NTM: variants seen among roughly 807,000 people sequenced by gnomAD.
NTM encodes IgLON family member 2.
In NTM, 13 loss-of-function variants were observed where a neutral mutation model predicts 42.1. The ratio of observed to expected loss-of-function variants is 0.31; its 90% CI spans 0.20 to 0.49. The LOEUF (loss-of-function observed/expected upper bound fraction) is 0.49, where lower values mean the gene tolerates loss of function less well. NTM is among the 20% of genes least tolerant of loss of function. The pLI, the probability that NTM is intolerant of heterozygous loss-of-function variation, is 0.99. For synonymous variants in NTM, 187 were observed against 179.2 expected (o/e 1.04, Z -0.35); for missense variants, 373 against 452.8 (o/e 0.82, Z 1.60).
chr11:131,679,757 A>G (rs998518172), intron 1 of NTM, among the ~76,000 whole-genome samples: 1 of 152,010 alleles, frequency 6.6e-6, no homozygotes, highest in African/African-American at 2.4e-5. Context: ...CTCACCACAG[A>G]TAATACTGAC....
intron 2 of NTM, among the ~76,000 whole-genome samples, chr11:132,073,205 G>A (rs1207064036): frequency 6.6e-6 from 1 of 152,122 alleles, no homozygotes; most frequent in Non-Finnish European, 1.5e-5. Flanking sequence ...CCAAAATGGG[G>A]ACTTTTCTAT....
intron 4 of NTM, among the ~76,000 whole-genome samples, chr11:132,260,926 A>G (rs1471199617): frequency 6.6e-6 from 1 of 152,116 alleles, no homozygotes; most frequent in East Asian, 1.9e-4. Context: ...TTGTAGACCT[A>G]CTTTCTTTAG....
rs200416351 is a variant in NTM, at chr11:131,442,851, ACAC to A, written c.82+71967_82+71969del. The stretch of plus-strand genomic sequence containing the variant: ...TATATACACACACAGACACACACAA[ACAC>A]CACATTTTCTTTATGCAATCAATCA... On this transcript the variant is annotated intron_variant, in intron 1 of 8. Transcript: ENST00000683400. Among the ~76,000 whole-genome samples the A allele has an allele frequency of 8.2e-3, 1,245 of 152,020 alleles. 9 individuals carry two copies. The highest frequency in any genetic ancestry group is 0.024 in the Middle Eastern group (7 of 290).
intron 1 of NTM, among the ~76,000 whole-genome samples, chr11:131,625,255 A>C (rs1226664660): frequency 6.6e-6 from 1 of 152,054 alleles, no homozygotes; most frequent in East Asian, 1.9e-4. Context: ...CAGAGGCCGA[A>C]ATGCAGATGT....
intron 1 of NTM, among the ~76,000 whole-genome samples, chr11:131,421,025 G>A (rs1024246100): frequency 2.6e-5 from 4 of 152,092 alleles, no homozygotes; most frequent in African/African-American, 9.7e-5. Flanking sequence ...CAGATGGAGT[G>A]TGTACCCTTA....
intron 1 of NTM, among the ~76,000 whole-genome samples, chr11:131,860,688 C>A (rs2046538862): frequency 6.6e-6 from 1 of 152,202 alleles, no homozygotes; most frequent in South Asian, 2.1e-4. Context: ...CAGCCAAGGA[C>A]CAACCATGCA....
intron 1 of NTM, among the ~76,000 whole-genome samples, chr11:131,549,287 C>T (rs2054333897): frequency 6.6e-6 from 1 of 152,266 alleles, no homozygotes; most frequent in East Asian, 1.9e-4. Flanking sequence ...CCTGTGAGAA[C>T]TTGACTCAGC....
At chr11:131,866,045 TACACACACACTAC>T (rs1250262349) in intron 1 of NTM, among the ~76,000 whole-genome samples, 1 of 143,404 alleles carries the variant, frequency 7.0e-6, no homozygotes, top group African/African-American at 2.6e-5. Context: ...ACACACATGC[TACACACACACTAC>T]ACACACACCC....
chr11:132,128,311 CAATGTCCTACAGATAATG>C (rs886095546), intron 2 of NTM, among the ~76,000 whole-genome samples: 2 of 151,998 alleles, frequency 1.3e-5, no homozygotes, highest in African/African-American at 4.8e-5. Flanking sequence ...AATTTCTAAA[CAATGTCCTACAGATAATG>C]AATGTCTTTT....
At chr11:131,617,629 AAT>A (rs1383708263) in intron 1 of NTM, among the ~76,000 whole-genome samples, 2 of 152,270 alleles carry the variant, frequency 1.3e-5, no homozygotes, top group East Asian at 3.9e-4. Context: ...TGGTGGCTTT[AAT>A]GTGTCCAAGC....
chr11:131,881,785 G>A (rs572639512), intron 1 of NTM, among the ~76,000 whole-genome samples: 1 of 152,326 alleles, frequency 6.6e-6, no homozygotes, highest in East Asian at 1.9e-4. Context: ...CTACTGAGGA[G>A]TAATGGGGGA....
intron 2 of NTM, among the ~76,000 whole-genome samples, chr11:132,071,315 C>A (rs1312161692): frequency 4.9e-5 from 6 of 122,738 alleles, no homozygotes; most frequent in African/African-American, 1.1e-4. Flanking sequence ...TAACACGTCA[C>A]ACTGACCATC....
chr11:131,781,318 CAGG>C (rs1459065529), intron 1 of NTM, among the ~76,000 whole-genome samples: 1 of 151,524 alleles, frequency 6.6e-6, no homozygotes, highest in Non-Finnish European at 1.5e-5. Context: ...GTTTTGAACT[CAGG>C]AGAATTTAAG....
chr11:132,279,397 A>G (rs1020549466), intron 4 of NTM, among the ~76,000 whole-genome samples: 1 of 152,128 alleles, frequency 6.6e-6, no homozygotes, highest in African/African-American at 2.4e-5. Context: ...AGATCTGTTC[A>G]TGTGACTCTC....
chr11:131,876,045 C>G (rs2048493116), intron 1 of NTM, among the ~76,000 whole-genome samples: 1 of 152,154 alleles, frequency 6.6e-6, no homozygotes, highest in South Asian at 2.1e-4. Context: ...AAAGCGATTT[C>G]CGTGACATTT....
At chr11:131,457,560 C>T (rs960871308) in intron 1 of NTM, among the ~76,000 whole-genome samples, 1 of 152,082 alleles carries the variant, frequency 6.6e-6, no homozygotes, top group Non-Finnish European at 1.5e-5. Context: ...AGGAAGTATG[C>T]CAGAAATGAT....
chr11:132,164,689 T>A (rs2074980974), intron 3 of NTM, among the ~76,000 whole-genome samples: 1 of 152,102 alleles, frequency 6.6e-6, no homozygotes, highest in African/African-American at 2.4e-5. Flanking sequence ...TGGGGACACT[T>A]GCTGTTCTTC....
Position 131,401,814 on chromosome 11 carries a change from A to ATATATATATATATATATGTG in NTM, c.82+30943_82+30944insGTGTATATATATATATATAT, listed in dbSNP as rs1565465214. Among the ~76,000 whole-genome samples, 39 of 27,178 alleles carry ATATATATATATATATATGTG rather than the reference A, an allele frequency of 1.4e-3. 1 individual carries two copies. The highest frequency in any genetic ancestry group is 2.1e-3 in the African/African-American group (10 of 4,846). The allele number at this position is 27,178 out of a possible 152,430, so 17.8% of individuals were successfully genotyped here. A position where few individuals can be genotyped will look rare whatever the true frequency, so the allele number is the denominator to read the frequency against. The stretch of plus-strand genomic sequence containing the variant: ...GGCCACTGGAAATATATATATATAT[A>ATATATATATATATATATGTG]TATATATATATATATATATATATAT... On this transcript the variant is annotated intron_variant, in intron 1 of 8. Coordinates refer to ENST00000683400, the MANE Select transcript of NTM (RefSeq NM_001352005.2).
chr11:132,209,247 T>A (rs1216948909), intron 3 of NTM, among the ~76,000 whole-genome samples: 1 of 152,260 alleles, frequency 6.6e-6, no homozygotes, highest in Non-Finnish European at 1.5e-5. Context: ...AGGCTCCATG[T>A]AGCTTTTAAA....
Sources: allele counts gnomAD v4.1 joint callset (sites outside exome capture counted in the v4.1 genomes callset), GRCh38; gene constraint gnomAD v4.1.1; transcripts MANE v1.5; gene names NCBI Gene and HGNC (gene_info 2026-07-23, HGNC 2026-07-21).